The following SDK1 variants were observed in gnomAD, a reference collection of about 807,000 sequenced individuals.
SDK1 encodes the protein sidekick cell adhesion molecule 1.
Under a neutral mutation model 245.5 loss-of-function variants are expected in SDK1, and 157 were observed. The observed-to-expected ratio is 0.64, with a 90% CI of 0.56 to 0.73. The LOEUF is 0.73. Among genes scored for constraint, SDK1 ranks in the 30% least tolerant of loss-of-function variants. SDK1 has a pLI of 0.00. For synonymous variants in SDK1, 1,647 were observed against 1,278.5 expected (o/e 1.29, Z -6.15); for missense variants, 3,583 against 3,002.3 (o/e 1.19, Z -4.52).
At chr7:3,943,356 C>T (rs1780440734) in intron 5 of SDK1, among the ~76,000 whole-genome samples, 1 of 123,986 alleles carries the variant, frequency 8.1e-6, no homozygotes, top group African/African-American at 3.0e-5. Context: ...TGGCCTCTGC[C>T]TCCCCGTCCC....
At chr7:4,022,026 G>A (rs1254475615) in intron 17 of SDK1, among the ~76,000 whole-genome samples, 1 of 152,164 alleles carries the variant, frequency 6.6e-6, no homozygotes, top group African/African-American at 2.4e-5. Flanking sequence ...ATGCTTATTT[G>A]CTGCTGGGAG....
chr7:4,158,694 C>T (rs1021734811), intron 31 of SDK1, 143 bp downstream of exon 31: 8 of 616,726 alleles, frequency 1.3e-5, no homozygotes, highest in Admixed American at 2.6e-5. Flanking sequence ...ACAGACAGCT[C>T]GGAGGGTTTC....
chr7:4,202,057 CCT>C (rs2128226035), intron 35 of SDK1, among the ~76,000 whole-genome samples: 1 of 152,310 alleles, frequency 6.6e-6, no homozygotes, highest in East Asian at 1.9e-4. Context: ...TCAAATCTTC[CCT>C]GTTATTTAAG....
At position 4,115,820 on chromosome 7, in the gene SDK1, T is replaced by C. The variant is rs142882875; in HGVS notation, c.3823+1546T>C. Among the ~76,000 whole-genome samples, 984 of 152,300 alleles carry C rather than the reference T, an allele frequency of 6.5e-3. 7 individuals are homozygous for C. The highest frequency in any genetic ancestry group is 0.023 in the African/African-American group (945 of 41,560). ...CTGTTGTTGTTTTCAGTAGAAAAAT[T>C]AATTAACTTGCTAGATGCTGGAAAC... On this transcript the variant is annotated intron_variant, in intron 25 of 44. Transcript: ENST00000404826.
At chr7:4,089,521 C>T (rs754588600) in intron 22 of SDK1, among the ~76,000 whole-genome samples, 66 of 152,192 alleles carry the variant, frequency 4.3e-4, no homozygotes, top group Non-Finnish European at 7.1e-4. Context: ...GAAGAATGAA[C>T]GGGGCAAGCT....
intron 4 of SDK1, among the ~76,000 whole-genome samples, chr7:3,669,524 TA>T (rs1426937007): frequency 6.3e-5 from 8 of 127,658 alleles, no homozygotes; most frequent in African/African-American, 1.0e-4. Context: ...TTGAATTCAA[TA>T]ACACAACACA....
At chr7:3,449,912 A>C (rs1205571148) in intron 1 of SDK1, among the ~76,000 whole-genome samples, 2 of 152,224 alleles carry the variant, frequency 1.3e-5, no homozygotes, top group African/African-American at 4.8e-5. Context: ...ATTAACAATT[A>C]GCCACGTGTC....
chr7:3,429,727 GC>G (rs1211645714), intron 1 of SDK1, among the ~76,000 whole-genome samples: 3 of 151,592 alleles, frequency 2.0e-5, no homozygotes, highest in Non-Finnish European at 4.4e-5. Context: ...CTCCTGAGTA[GC>G]TGGGATTACA....
intron 34 of SDK1, 112 bp downstream of exon 34, chr7:4,175,946 T>C: frequency 1.1e-6 from 1 of 870,340 alleles, no homozygotes; most frequent in South Asian, 1.4e-5. Context: ...GCTCCAGTTC[T>C]GGAATCGCCT....
At chr7:3,649,519 A>C (rs1274602714) in intron 4 of SDK1, among the ~76,000 whole-genome samples, 1 of 152,042 alleles carries the variant, frequency 6.6e-6, no homozygotes, top group Non-Finnish European at 1.5e-5. Context: ...TTGAATATGA[A>C]ATCCTTTTTC....
intron 5 of SDK1, among the ~76,000 whole-genome samples, chr7:3,922,708 C>T (rs747875194): frequency 1.3e-5 from 2 of 152,180 alleles, no homozygotes; most frequent in Non-Finnish European, 2.9e-5. Context: ...GCTTACAAAG[C>T]GTGCACGTTT....
intron 4 of SDK1, among the ~76,000 whole-genome samples, chr7:3,778,671 A>G (rs563151473): frequency 6.6e-6 from 1 of 152,364 alleles, no homozygotes; most frequent in African/African-American, 2.4e-5. Flanking sequence ...TGAATCCACC[A>G]TGTTCCGTAA....
Position 4,000,057 on chromosome 7 carries a change from A to T in SDK1, c.2132-10909A>T, listed in dbSNP as rs538145777. The stretch of plus-strand genomic sequence containing the variant: ...TCTGTGAGGCTCAGAGAGTGAAGGA[A>T]AGCAGGAGGCTGAGGGCCTGGAGCA... On this transcript the variant is annotated intron_variant, in intron 14 of 44. Transcript: ENST00000404826. Among the ~76,000 whole-genome samples the T allele has an allele frequency of 5.3e-5, 8 of 152,292 alleles. No homozygotes were observed. In the South Asian group the frequency reaches 8.3e-4, roughly 16 times the overall value.
chr7:4,213,549 C>G (rs1329654716), intron 38 of SDK1, among the ~76,000 whole-genome samples: 2 of 151,836 alleles, frequency 1.3e-5, no homozygotes, highest in Non-Finnish European at 2.9e-5. Context: ...CGCACCACTG[C>G]ACTCCAGCCT....
chr7:3,563,837 A>G (rs920460354), intron 1 of SDK1, among the ~76,000 whole-genome samples: 1 of 152,206 alleles, frequency 6.6e-6, no homozygotes, highest in Non-Finnish European at 1.5e-5. Context: ...GAAAGCAATA[A>G]CAAATTAGGT....
intron 1 of SDK1, among the ~76,000 whole-genome samples, chr7:3,476,669 T>G (rs1481035759): frequency 6.6e-6 from 1 of 152,210 alleles, no homozygotes; most frequent in East Asian, 1.9e-4. Context: ...ATATAGTTAA[T>G]TTTGTCAGTC....
rs5882008 is a variant in SDK1, at chr7:3,880,543, CTTT to C, written c.847+58984_847+58986del. Among the ~76,000 whole-genome samples, 185 of 92,038 alleles carry C rather than the reference CTTT, an allele frequency of 2.0e-3. 1 individual carries two copies. Among genetic ancestry groups the C allele is most frequent in the African/African-American group, 7.2e-3 (176 of 24,506 alleles). 60.4% of individuals were successfully genotyped at this position (92,038 alleles called of 152,430 possible). ...TGACATTTTAAAACAATGCCCTGGT[CTTT>C]TTTTTTTTTTTTTTTTTTTTTTTAA... On this transcript the variant is annotated intron_variant, in intron 5 of 44. Coordinates refer to ENST00000404826, the MANE Select transcript of SDK1 (RefSeq NM_152744.4).
intron 1 of SDK1, among the ~76,000 whole-genome samples, chr7:3,466,979 TACA>T (rs1211968660): frequency 0.014 from 1,761 of 127,556 alleles, 29 homozygotes; most frequent in African/African-American, 0.022. Context: ...TCTCTCTCTC[TACA>T]CACACACACA....
At chr7:3,452,159 T>C (rs1780533786) in intron 1 of SDK1, among the ~76,000 whole-genome samples, 1 of 152,200 alleles carries the variant, frequency 6.6e-6, no homozygotes, top group Non-Finnish European at 1.5e-5. Flanking sequence ...CTGTTCAGTG[T>C]GTTTGGGGCT....
Sources: allele counts gnomAD v4.1 joint callset (sites outside exome capture counted in the v4.1 genomes callset), GRCh38; gene constraint gnomAD v4.1.1; transcripts MANE v1.5; gene names NCBI Gene and HGNC (gene_info 2026-07-23, HGNC 2026-07-21).